Variants in VGLL4 observed in about 807,000 individuals in gnomAD.
VGLL4 encodes transcription cofactor vestigial-like protein 4.
A neutral mutation model predicts 21.0 loss-of-function variants in VGLL4; 7 were observed. The ratio of observed to expected loss-of-function variants is 0.33; its 90% CI spans 0.19 to 0.63. The LOEUF (loss-of-function observed/expected upper bound fraction) is 0.63, where lower values mean the gene tolerates loss of function less well. Among genes scored for constraint, VGLL4 ranks in the 20% least tolerant of loss-of-function variants. The pLI, the probability that VGLL4 is intolerant of heterozygous loss-of-function variation, is 0.78. For missense variants in VGLL4, 394 were observed against 425.7 expected (o/e 0.93, Z 0.66); for synonymous variants, 222 against 173.2 (o/e 1.28, Z -2.21).
At chr3:11,713,440 G>A (rs927993215) in intron 1 of VGLL4, among the ~76,000 whole-genome samples, 4 of 151,626 alleles carry the variant, frequency 2.6e-5, no homozygotes, top group African/African-American at 7.3e-5. Context: ...TTCTGCTTGC[G>A]TCAAATTCCT....
intron 2 of VGLL4, among the ~76,000 whole-genome samples, chr3:11,655,043 C>T (rs540758043): frequency 1.9e-4 from 29 of 152,280 alleles, no homozygotes; most frequent in African/African-American, 6.0e-4. Flanking sequence ...ATTTGTGAGG[C>T]CATTGGCATT....
chr3:11,611,657 G>A (rs1204490763), intron 1 of VGLL4: 1 of 152,208 alleles, frequency 6.6e-6, no homozygotes, highest in Non-Finnish European at 1.5e-5. Context: ...GAAAGCAACT[G>A]AACGTACAGA....
chr3:11,643,403 G>A (rs774588849), intron 1 of VGLL4, 34 bp downstream of exon 1: 1 of 1,613,902 alleles, frequency 6.2e-7, no homozygotes, highest in South Asian at 1.1e-5. Flanking sequence ...GCCGGGACGA[G>A]CAACGGGCAG....
At chr3:11,589,010 G>A (rs3856795) in intron 2 of VGLL4, among the ~76,000 whole-genome samples, 78,715 of 152,076 alleles carry the variant, frequency 0.52, 22,813 homozygotes, top group Non-Finnish European at 0.68. Context: ...CAATAACAAC[G>A]AGTCTCTGGA....
At chr3:11,701,524 G>A (rs2076680574) in intron 2 of VGLL4, among the ~76,000 whole-genome samples, 2 of 152,170 alleles carry the variant, frequency 1.3e-5, no homozygotes, top group South Asian at 4.1e-4. Context: ...AGCCAACAAT[G>A]TGCCAGGAGA....
intron 2 of VGLL4, among the ~76,000 whole-genome samples, chr3:11,697,866 C>T (rs1177988002): frequency 1.3e-5 from 2 of 152,164 alleles, no homozygotes; most frequent in Non-Finnish European, 2.9e-5. Flanking sequence ...TAGTGAATTT[C>T]TTGGGGCAGA....
intron 2 of VGLL4, among the ~76,000 whole-genome samples, chr3:11,576,782 G>A (rs1007750390): frequency 6.6e-6 from 1 of 152,226 alleles, no homozygotes; most frequent in Non-Finnish European, 1.5e-5. Context: ...CTGGAAAAGT[G>A]GAGGGCAGGA....
chr3:11,631,037 A>G (rs139171540), intron 1 of VGLL4, among the ~76,000 whole-genome samples: 89 of 152,378 alleles, frequency 5.8e-4, no homozygotes, highest in African/African-American at 2.0e-3. Context: ...TGGTATACGC[A>G]TAAGACGACA....
Position 11,703,100 on chromosome 3 carries a change from C to A in VGLL4, c.-13-53G>T, listed in dbSNP as rs1459500756. 9 of 1,485,876 alleles carry A rather than the reference C, an allele frequency of 6.1e-6. No individual in the cohort carries two copies. The African/African-American group carries it at 1.3e-4, about 21-fold the overall frequency. 92.0% of individuals were successfully genotyped at this position (1,485,876 alleles called of 1,614,324 possible). The stretch of plus-strand genomic sequence containing the variant: ...AATAATTTAAACAGAATTCAAAAGA[C>A]TCTTAGAATCCTAGTCATTAACAGA... On this transcript the variant is annotated intron_variant, in intron 1 of 5. Transcript: ENST00000273038.
chr3:11,614,492 AG>A lies in VGLL4; in HGVS notation c.83-12471del, dbSNP rs2075123782. 2.6e-5 allele frequency among the ~76,000 whole-genome samples: 4 copies of A among 152,336 alleles called. No individual in the cohort carries two copies. In the South Asian group the frequency reaches 8.3e-4, roughly 32 times the overall value. ...AGAGTGCTGAAGGAAGGCTGTGTAT[AG>A]GCCCCCCGATTCTGATCGTGAAATC... On this transcript the variant is annotated intron_variant, in intron 1 of 4. Coordinates refer to ENST00000430365, the MANE Select transcript of VGLL4 (RefSeq NM_001128219.3).
chr3:11,565,130 G>C lies in VGLL4; in HGVS notation c.273-111C>G. ...ATTTAATTTTTTACCCTGAAGCTCA[G>C]GTCGTGTGGCTGGGCAGCACGATGA... On this transcript the variant is annotated intron_variant, in intron 2 of 4. Transcript: ENST00000430365. The surrounding 1 kb of genome is among the most constrained non-coding windows in gnomAD (Gnocchi z 4.1). 2 of 1,114,070 alleles carry C rather than the reference G, an allele frequency of 1.8e-6. No homozygotes were observed. Among genetic ancestry groups the C allele is most frequent in the Non-Finnish European group, 2.4e-6 (2 of 845,900 alleles). The allele number at this position is 1,114,070 out of a possible 1,614,324, so 69.0% of individuals were successfully genotyped here. A position where few individuals can be genotyped will look rare whatever the true frequency, so the allele number is the denominator to read the frequency against.
chr3:11,612,946 G>A, intron 1 of VGLL4, among the ~76,000 whole-genome samples: 1 of 152,160 alleles, frequency 6.6e-6, no homozygotes, highest in Non-Finnish European at 1.5e-5. Flanking sequence ...AGGAGGAGGA[G>A]AGTTATGAAA....
At chr3:11,579,057 T>C (rs1411664473) in intron 2 of VGLL4, among the ~76,000 whole-genome samples, 1 of 152,132 alleles carries the variant, frequency 6.6e-6, no homozygotes, top group Non-Finnish European at 1.5e-5. Context: ...CTCTACTGTA[T>C]ATTCTTTAAA....
Position 11,558,454 on chromosome 3 carries a change from T to TGCC in VGLL4, c.*101_*102insGGC. On this transcript the variant is annotated 3_prime_UTR_variant, in exon 5 of 5. Transcript: ENST00000430365. ...TTTGCAAATAAACCATCCCTTCCCTTCCCCCCACCCCACCCCCATGATTTT... is the reference window on the plus strand; with the variant it reads ...TTTGCAAATAAACCATCCCTTCCCTTGCCCCCCCCACCCCACCCCCATGATTTT... 2.2e-5 allele frequency: 23 copies of TGCC among 1,064,136 alleles called. No individual in the cohort carries two copies. Among genetic ancestry groups the TGCC allele is most frequent in the East Asian group, 6.6e-5 (2 of 30,368 alleles). The allele number at this position is 1,064,136 out of a possible 1,614,324, so 65.9% of individuals were successfully genotyped here.
At chr3:11,702,929 A>G in intron 2 of VGLL4, 1 of 1,568,456 alleles carries the variant, frequency 6.4e-7, no homozygotes, top group Non-Finnish European at 8.7e-7. Context: ...ACAAGGGATC[A>G]TTAAAGCACT....
At chr3:11,585,608 A>C (rs2074344366) in intron 2 of VGLL4, among the ~76,000 whole-genome samples, 1 of 152,234 alleles carries the variant, frequency 6.6e-6, no homozygotes, top group Non-Finnish European at 1.5e-5. Context: ...TCTGCCATGA[A>C]TAAGATACTG....
At chr3:11,560,996 G>A (rs1043633021) in intron 3 of VGLL4, among the ~76,000 whole-genome samples, 7 of 152,096 alleles carry the variant, frequency 4.6e-5, no homozygotes, top group Non-Finnish European at 1.0e-4. Flanking sequence ...GCAGCAGCAA[G>A]AGAGCAGAAT....
chr3:11,678,588 T>C (rs993412609), intron 2 of VGLL4, among the ~76,000 whole-genome samples: 1 of 152,178 alleles, frequency 6.6e-6, no homozygotes, highest in Non-Finnish European at 1.5e-5. Flanking sequence ...AGTCATTCAT[T>C]ATAATATTCT....
At chr3:11,631,327 G>A (rs548703023) in intron 1 of VGLL4, among the ~76,000 whole-genome samples, 1 of 152,202 alleles carries the variant, frequency 6.6e-6, no homozygotes, top group South Asian at 2.1e-4. Flanking sequence ...AATAATGGAG[G>A]CCAAAGTTTA....
Sources: allele counts gnomAD v4.1 joint callset (sites outside exome capture counted in the v4.1 genomes callset), GRCh38; gene constraint gnomAD v4.1.1; non-coding constraint Gnocchi (gnomAD v3.1); transcripts MANE v1.5; gene names NCBI Gene and HGNC (gene_info 2026-07-23, HGNC 2026-07-21).